Variants in C5orf15 observed in about 807,000 individuals in gnomAD.
C5orf15 encodes keratinocyte-associated transmembrane protein 2.
A neutral mutation model predicts 17.8 loss-of-function variants in C5orf15; 10 were observed. That is an observed-to-expected ratio of 0.56 (90% CI 0.35 to 0.95). The LOEUF (loss-of-function observed/expected upper bound fraction) is 0.95. C5orf15 is among the 40% of genes least tolerant of loss of function. The probability of loss-of-function intolerance (pLI) is 0.02; values close to 1 mark genes in which losing one functional copy is unlikely to be tolerated. For synonymous variants in C5orf15, 124 were observed against 131.0 expected (o/e 0.95, Z 0.36); for missense variants, 319 against 331.7 (o/e 0.96, Z 0.30).
intron 1 of C5orf15, among the ~76,000 whole-genome samples, chr5:133,968,014 C>T (rs1752220592): frequency 6.6e-6 from 1 of 152,018 alleles, no homozygotes; most frequent in Non-Finnish European, 1.5e-5. Context: ...CCTTTCCAGA[C>T]ACCACACCCC....
In C5orf15 at chr5:133,956,849, T is replaced by C; in HGVS notation, c.*10A>G. 1 of 1,578,778 alleles carries C rather than the reference T, an allele frequency of 6.3e-7. No homozygotes were observed. The highest frequency in any genetic ancestry group is 1.2e-5 in the South Asian group (1 of 83,176). On this transcript the variant is annotated 3_prime_UTR_variant, in exon 3 of 3. Coordinates refer to ENST00000231512, the MANE Select transcript of C5orf15 (RefSeq NM_020199.3). ...ATAAAATTACATAAGCAAATTCAAATCACAGTGCTTTAAAAAATATAATCA... is the reference window on the plus strand; with the variant it reads ...ATAAAATTACATAAGCAAATTCAAACCACAGTGCTTTAAAAAATATAATCA...
intron 2 of C5orf15, among the ~76,000 whole-genome samples, chr5:133,958,129 A>G (rs1300080385): frequency 2.6e-5 from 4 of 151,998 alleles, no homozygotes; most frequent in Admixed American, 6.6e-5. Flanking sequence ...CACGCCTATA[A>G]TCTCAATTAC....
rs780080360 is a variant in C5orf15 at position 133,959,887 on chromosome 5, C to T, written c.273G>A (p.Thr91=). The T allele has an allele frequency of 3.1e-6, 5 of 1,613,816 alleles. No homozygotes were observed. The highest frequency in any genetic ancestry group is 2.2e-5 in the East Asian group (1 of 44,878). The part of the protein sequence containing the change: ...ISQISTTLPP[T]TSTKKSGGAS... The stretch of plus-strand genomic sequence containing the variant: ...CTCCTCCACTTTTCTTGGTACTCGT[C>T]GTGGGAGGGAGGGTGGTGCTGATTT... The change falls in exon 2 of 3, where the codon ACG becomes ACA. Residue 91 remains threonine, a synonymous_variant. Transcript: ENST00000231512.
chr5:133,960,092 A>T, intron 1 of C5orf15, 72 bp from the exon 2 acceptor site: 1 of 1,346,284 alleles, frequency 7.4e-7, no homozygotes, highest in Non-Finnish European at 1.0e-6. Context: ...ATATTTACCC[A>T]AATTTTACAC....
intron 2 of C5orf15, among the ~76,000 whole-genome samples, chr5:133,958,670 T>C (rs1752073687): frequency 6.6e-6 from 1 of 151,632 alleles, no homozygotes; most frequent in African/African-American, 2.4e-5. Context: ...TATGCACATT[T>C]ATAGACCAGA....
intron 1 of C5orf15, among the ~76,000 whole-genome samples, chr5:133,962,671 G>A (rs1393658953): frequency 6.6e-6 from 1 of 151,920 alleles, no homozygotes; most frequent in Non-Finnish European, 1.5e-5. Flanking sequence ...CTTTACCTCA[G>A]CCACTCACTC....
rs144883247 is a variant in C5orf15, at chr5:133,965,090, C to T, written c.139+3356G>A. Among the ~76,000 whole-genome samples, 181 of 152,292 alleles carry T rather than the reference C, an allele frequency of 1.2e-3. 1 individual carries two copies. The highest frequency in any genetic ancestry group is 4.2e-3 in the African/African-American group (176 of 41,558). On this transcript the variant is annotated intron_variant, in intron 1 of 2. Transcript: ENST00000231512. ...CCATTACCTCACTCTCATTATCTTA[C>T]TAATCTCCCTAACAGCTCTATCCCC...
intron 1 of C5orf15, among the ~76,000 whole-genome samples, chr5:133,965,795 G>T (rs146982189): frequency 1.4e-4 from 21 of 152,290 alleles, no homozygotes; most frequent in African/African-American, 4.8e-4. Context: ...CACGGTGGCA[G>T]GCACCTGTGG....
intron 1 of C5orf15, among the ~76,000 whole-genome samples, chr5:133,966,450 T>C (rs1257198935): frequency 1.3e-5 from 2 of 152,196 alleles, no homozygotes; most frequent in African/African-American, 4.8e-5. Flanking sequence ...ACCAGGCATT[T>C]TTGAAATGGC....
At position 133,967,146 on chromosome 5, in the gene C5orf15, G is replaced by T. The variant is rs559119022; in HGVS notation, c.139+1300C>A. Among the ~76,000 whole-genome samples, 38 of 152,312 alleles carry T rather than the reference G, an allele frequency of 2.5e-4. No homozygotes were observed. The South Asian group carries it at 6.8e-3, about 27-fold the overall frequency. ...ATGATTAAATGGCCAAAACAATTAA[G>T]CTACTTAAGTACTTTAGGAACGGGA... On this transcript the variant is annotated intron_variant, in intron 1 of 2. Transcript: ENST00000231512.
intron 1 of C5orf15, among the ~76,000 whole-genome samples, chr5:133,965,671 A>C (rs1368824466): frequency 6.6e-6 from 1 of 152,214 alleles, no homozygotes; most frequent in Non-Finnish European, 1.5e-5. Context: ...CACGCCTGTA[A>C]CCCTAGCACT....
At chr5:133,960,922 T>C (rs1401041120) in intron 1 of C5orf15, among the ~76,000 whole-genome samples, 2 of 151,070 alleles carry the variant, frequency 1.3e-5, no homozygotes, top group Non-Finnish European at 2.9e-5. Context: ...CAAGGACCTC[T>C]ACTACACTAA....
At chr5:133,957,515 C>T (rs1752056790) in intron 2 of C5orf15, among the ~76,000 whole-genome samples, 1 of 152,130 alleles carries the variant, frequency 6.6e-6, no homozygotes, top group East Asian at 1.9e-4. Context: ...TGAGGTAGAG[C>T]CCAGGAACCT....
intron 1 of C5orf15, among the ~76,000 whole-genome samples, chr5:133,961,303 T>C (rs1429942857): frequency 6.9e-6 from 1 of 145,136 alleles, no homozygotes; most frequent in African/African-American, 2.5e-5. Context: ...CCCAGCACTT[T>C]GGGAGGCCGA....
Position 133,968,512 on chromosome 5 carries a change from C to T in C5orf15, c.73G>A (p.Ala25Thr), listed in dbSNP as rs561443544. 39 of 1,607,538 alleles carry T rather than the reference C, an allele frequency of 2.4e-5. No individual in the cohort carries two copies. In the East Asian group the frequency reaches 7.4e-4, roughly 30 times the overall value. The change falls in exon 1 of 3, where the codon GCC becomes ACC. Residue 25 changes from alanine to threonine, a missense_variant. Ala to Thr is a moderately conservative substitution (Grantham distance 58, BLOSUM62 0). Transcript: ENST00000231512. ...AGCGGCCGCGCCAACCCCACAAGGG[C>T]TTGGATGGCCGACCCGGGCAGCAGT... ...AKLLPGSAIQ[A>T]LVGLARPLVL...
rs1176317057 is a variant in C5orf15, at chr5:133,955,608, G to A, written c.*1251C>T. On this transcript the variant is annotated 3_prime_UTR_variant, in exon 3 of 3. Coordinates refer to ENST00000231512, the MANE Select transcript of C5orf15 (RefSeq NM_020199.3). Reference sequence around the variant, plus strand: ...AAATTACTGCAATAAAACGGTTCAGGGGTATTTCCATTGTGCTTCCCTTCC... The same window carrying A: ...AAATTACTGCAATAAAACGGTTCAGAGGTATTTCCATTGTGCTTCCCTTCC... The A allele has an allele frequency of 6.6e-6, 1 of 152,580 alleles. No homozygotes were observed. Among genetic ancestry groups the A allele is most frequent in the Non-Finnish European group, 1.5e-5 (1 of 68,042 alleles). The allele number at this position is 152,580 out of a possible 1,614,324, so 9.5% of individuals were successfully genotyped here.
At position 133,959,497 on chromosome 5, in the gene C5orf15, C is replaced by A. The variant is rs544098036; in HGVS notation, c.663G>T (p.Arg221Ser). ...GCTAAAAAAATCCCAAACCTACCTT[C>A]CTTTTGTTGTGATATGTAATGTAAA... ...AVVYITYHNK[R>S]KIFLLVQSRK... The change falls in exon 2 of 3, where the codon AGG becomes AGT. Residue 221 changes from arginine (R) to serine (S), a missense_variant. Around this residue, in one of 3 missense-constraint regions of C5orf15, gnomAD observed 175 missense variants for 192.4 expected, o/e 0.91. Coordinates refer to ENST00000231512, the MANE Select transcript of C5orf15 (RefSeq NM_020199.3). 7 of 1,464,052 alleles carry A rather than the reference C, an allele frequency of 4.8e-6. No individual in the cohort carries two copies. The South Asian group carries it at 1.1e-4, about 22-fold the overall frequency. 90.7% of individuals were successfully genotyped at this position (1,464,052 alleles called of 1,614,324 possible).
In C5orf15 at chr5:133,956,746, AAGAG is replaced by A; in HGVS notation, c.*109_*112del. On this transcript the variant is annotated 3_prime_UTR_variant, in exon 3 of 3. Transcript: ENST00000231512. ...TTTAATTTCCAAAGCACCAAGGCAA[AAGAG>A]AGACTCACCTCTCATTTAAGTACCA... 9.1e-7 allele frequency: 1 copy of A among 1,094,094 alleles called. No homozygotes were observed. 67.8% of individuals were successfully genotyped at this position (1,094,094 alleles called of 1,614,324 possible).
intron 1 of C5orf15, among the ~76,000 whole-genome samples, chr5:133,963,932 C>G (rs546491924): frequency 6.6e-6 from 1 of 152,254 alleles, no homozygotes; most frequent in East Asian, 1.9e-4. Flanking sequence ...TTTAAAGGAA[C>G]AAACAACCAG....
Sources: allele counts gnomAD v4.1 joint callset (sites outside exome capture counted in the v4.1 genomes callset), GRCh38; gene constraint gnomAD v4.1.1; regional missense constraint gnomAD v4.1.1; transcripts MANE v1.5; gene names NCBI Gene and HGNC (gene_info 2026-07-23, HGNC 2026-07-21).